NCAM1: variants seen among roughly 807,000 people sequenced by gnomAD.
NCAM1 encodes the protein antigen recognized by monoclonal antibody 5.1H11.
A neutral mutation model predicts 109.8 loss-of-function variants in NCAM1; 14 were observed. The observed-to-expected ratio is 0.13, with a 90% CI of 0.08 to 0.20. The LOEUF (loss-of-function observed/expected upper bound fraction) is 0.20, where lower values mean the gene tolerates loss of function less well. NCAM1 is among the 10% of genes least tolerant of loss of function. The pLI, the probability that NCAM1 is intolerant of heterozygous loss-of-function variation, is 1.00. For synonymous variants in NCAM1, 418 were observed against 442.9 expected (o/e 0.94, Z 0.70); for missense variants, 774 against 1,109.9 (o/e 0.70, Z 4.30).
chr11:113,232,986 T>C (rs542369510), intron 12 of NCAM1, among the ~76,000 whole-genome samples, 161 bp from the exon 13 acceptor site: 1 of 152,170 alleles, frequency 6.6e-6, no homozygotes, highest in African/African-American at 2.4e-5. Flanking sequence ...ATGGGGCATG[T>C]TGGGGGAGAA....
chr11:113,271,912 A>C, intron 19 of NCAM1, 36 bp downstream of exon 19: 2 of 1,496,848 alleles, frequency 1.3e-6, no homozygotes, highest in East Asian at 5.0e-5. Context: ...CCTGCTCCGT[A>C]GAGACCCCCA....
At chr11:113,193,426 A>G (rs1199366768) in intron 1 of NCAM1, among the ~76,000 whole-genome samples, 1 of 152,178 alleles carries the variant, frequency 6.6e-6, no homozygotes, top group Non-Finnish European at 1.5e-5. Flanking sequence ...CGGTTGGATC[A>G]TCTGAGGTCA....
rs1253785029 is a variant in NCAM1 at position 113,273,164 on chromosome 11, C to T, written c.2456+1288C>T. ...CCAAGGGGCCCAGCGCCTCTGCCCC[C>T]TCCCCGGCCCCAGCTTCAGCCCCCA... On this transcript the variant is annotated intron_variant, in intron 19 of 19. Transcript: ENST00000316851. The surrounding 1 kb of genome is among the most constrained non-coding windows in gnomAD (Gnocchi z 6.0). 1.7e-5 allele frequency: 7 copies of T among 412,092 alleles called. 1 individual carries two copies. Among genetic ancestry groups the T allele is most frequent in the South Asian group, 7.0e-5 (4 of 56,960 alleles). 25.5% of individuals were successfully genotyped at this position (412,092 alleles called of 1,614,324 possible). A position where few individuals can be genotyped will look rare whatever the true frequency, so the allele number is the denominator to read the frequency against.
intron 1 of NCAM1, among the ~76,000 whole-genome samples, chr11:113,109,445 T>C (rs1227475491): frequency 3.9e-5 from 6 of 152,076 alleles, no homozygotes; most frequent in Non-Finnish European, 7.4e-5. Context: ...TTCTGGCCTG[T>C]GCAGCTAGTG....
chr11:113,242,986 G>T, intron 14 of NCAM1: 1 of 1,498,254 alleles, frequency 6.7e-7, no homozygotes, highest in Non-Finnish European at 8.9e-7. Context: ...CTAGCCTGGT[G>T]TGGTTTCCTA....
chr11:113,156,179 C>A lies in NCAM1; in HGVS notation c.53-46200C>A, dbSNP rs76058268. Among the ~76,000 whole-genome samples, 259 of 152,092 alleles carry A rather than the reference C, an allele frequency of 1.7e-3. 9 individuals are homozygous for A. The East Asian group carries it at 0.039, about 23-fold the overall frequency. ...ATATGGGGAAATGGAAACAGAAGGA[C>A]AAAAGATGACTAAAATGTTGAGACT... On this transcript the variant is annotated intron_variant, in intron 1 of 19. Transcript: ENST00000316851.
intron 15 of NCAM1, 57 bp downstream of exon 15, chr11:113,246,427 G>C: frequency 1.4e-6 from 1 of 717,246 alleles, no homozygotes; most frequent in Admixed American, 1.9e-5. Context: ...CTGGCACATA[G>C]GGCACACTCA....
intron 9 of NCAM1, among the ~76,000 whole-genome samples, chr11:113,222,787 A>G (rs1321860150): frequency 6.6e-6 from 1 of 152,196 alleles, no homozygotes; most frequent in Non-Finnish European, 1.5e-5. Context: ...TGGAAGTAAT[A>G]GGTTTACTCC....
At chr11:113,019,453 G>T (rs1555075860) in intron 1 of NCAM1, among the ~76,000 whole-genome samples, 3 of 152,142 alleles carry the variant, frequency 2.0e-5, no homozygotes, top group Admixed American at 6.5e-5. Flanking sequence ...AAGACCTGCC[G>T]ATTTCCACAT....
At chr11:113,157,837 C>G (rs1467119838) in intron 1 of NCAM1, among the ~76,000 whole-genome samples, 2 of 152,036 alleles carry the variant, frequency 1.3e-5, no homozygotes, top group East Asian at 3.9e-4. Flanking sequence ...ACCGATTCTC[C>G]TATCTACTTC....
intron 1 of NCAM1, among the ~76,000 whole-genome samples, chr11:113,110,776 C>T (rs548329220): frequency 3.6e-4 from 55 of 152,258 alleles, no homozygotes; most frequent in Admixed American, 3.1e-3. Flanking sequence ...AAGCTTGTGG[C>T]CTGGTTCCAT....
chr11:113,135,322 A>G (rs1468260503), intron 1 of NCAM1, among the ~76,000 whole-genome samples: 1 of 152,200 alleles, frequency 6.6e-6, no homozygotes, highest in Non-Finnish European at 1.5e-5. Flanking sequence ...AGCATCAAGA[A>G]TGTGCTTCTT....
In NCAM1 at chr11:113,093,483, G is replaced by A. The variant is rs142214000; in HGVS notation, c.53-108896G>A. On this transcript the variant is annotated intron_variant, in intron 1 of 19. Coordinates refer to ENST00000316851, the MANE Select transcript of NCAM1 (RefSeq NM_181351.5). Reference sequence around the variant, plus strand: ...CATCCTGGTCTTCCTCCTTCCTCCGGCCCCACAACTCTCATTCAGCTGTGT... The same window carrying A: ...CATCCTGGTCTTCCTCCTTCCTCCGACCCCACAACTCTCATTCAGCTGTGT... 2.6e-3 allele frequency among the ~76,000 whole-genome samples: 391 copies of A among 152,072 alleles called. 1 individual carries two copies. Among genetic ancestry groups the A allele is most frequent in the African/African-American group, 9.0e-3 (372 of 41,470 alleles).
intron 1 of NCAM1, among the ~76,000 whole-genome samples, chr11:113,137,650 C>T (rs556703770): frequency 1.8e-4 from 28 of 152,312 alleles, no homozygotes; most frequent in Non-Finnish European, 3.7e-4. Flanking sequence ...TTAAATGACA[C>T]ACTGCAATTT....
chr11:113,184,869 C>T (rs906365921), intron 1 of NCAM1, among the ~76,000 whole-genome samples: 10 of 151,916 alleles, frequency 6.6e-5, no homozygotes, highest in Admixed American at 2.6e-4. Context: ...CCAGTCGTAA[C>T]GTCCTGTCTT....
In NCAM1 at chr11:113,030,160, T is replaced by G. The variant is rs75579240; in HGVS notation, c.52+68496T>G. Among the ~76,000 whole-genome samples the G allele has an allele frequency of 6.8e-4, 103 of 152,370 alleles. 1 individual carries two copies. Among genetic ancestry groups the G allele is most frequent in the African/African-American group, 2.4e-3 (100 of 41,598 alleles). On this transcript the variant is annotated intron_variant, in intron 1 of 19. Coordinates refer to ENST00000316851, the MANE Select transcript of NCAM1 (RefSeq NM_181351.5). The stretch of plus-strand genomic sequence containing the variant: ...GACACAGATATGAGTAGTGCCTGTC[T>G]AATACCGTTGCTGTGATGGTCAGAG...
At chr11:113,111,099 G>A (rs1195570938) in intron 1 of NCAM1, among the ~76,000 whole-genome samples, 3 of 152,108 alleles carry the variant, frequency 2.0e-5, no homozygotes, top group African/African-American at 7.2e-5. Context: ...CAGCTGGGAG[G>A]TTTGCCTTGC....
At chr11:113,055,017 T>G (rs1228758020) in intron 1 of NCAM1, among the ~76,000 whole-genome samples, 1 of 152,226 alleles carries the variant, frequency 6.6e-6, no homozygotes, top group Admixed American at 6.5e-5. Context: ...AGGCTGCTGT[T>G]TGCTGAAGAC....
chr11:113,059,475 G>A (rs782281553), intron 1 of NCAM1, among the ~76,000 whole-genome samples: 1 of 152,122 alleles, frequency 6.6e-6, no homozygotes, highest in Non-Finnish European at 1.5e-5. Flanking sequence ...TTCCAAGACG[G>A]TTTCTTCACT....
Sources: gnomAD v4.1 joint callset for allele counts (sites outside exome capture counted in the v4.1 genomes callset) on GRCh38, gnomAD v4.1.1 for gene constraint, Gnocchi (gnomAD v3.1) non-coding constraint, MANE v1.5 for transcripts, NCBI Gene and HGNC (gene_info 2026-07-23, HGNC 2026-07-21) for gene names.